Variants in SASH1 observed in about 807,000 individuals in gnomAD.
SASH1 encodes SAM and SH3 domain containing 1, also known as SAM and SH3 domain-containing protein 1.
A neutral mutation model predicts 125.2 loss-of-function variants in SASH1; 44 were observed. The observed-to-expected ratio is 0.35, with a 90% CI of 0.28 to 0.45. The LOEUF (loss-of-function observed/expected upper bound fraction) is 0.45. Ranked by LOEUF, SASH1 falls within the 20% of genes least tolerant of loss-of-function variation. The pLI, the probability that SASH1 is intolerant of heterozygous loss-of-function variation, is 1.00. For missense variants in SASH1, 1,426 were observed against 1,614.5 expected (o/e 0.88, Z 2.00); for synonymous variants, 639 against 649.1 (o/e 0.98, Z 0.24).
intron 8 of SASH1, chr6:148,513,593 ACAG>A: frequency 4.1e-6 from 4 of 985,566 alleles, no homozygotes; most frequent in Non-Finnish European, 4.8e-6. Flanking sequence ...TTGAGGGAAA[ACAG>A]CTGGGCCTGA....
At chr6:148,394,015 C>T (rs1783844813) in intron 2 of SASH1, among the ~76,000 whole-genome samples, 1 of 151,470 alleles carries the variant, frequency 6.6e-6, no homozygotes, top group Non-Finnish European at 1.5e-5. Context: ...GCCTCATCCT[C>T]CCAAGTAGCT....
At chr6:148,513,716 G>A (rs1780277685) in intron 8 of SASH1, 1 of 986,034 alleles carries the variant, frequency 1.0e-6, no homozygotes, top group African/African-American at 1.7e-5. Flanking sequence ...TGCAGGGTCT[G>A]TCCTCACATT....
intron 8 of SASH1, among the ~76,000 whole-genome samples, chr6:148,497,963 A>G (rs984102188): frequency 1.3e-5 from 2 of 152,156 alleles, no homozygotes; most frequent in Admixed American, 1.3e-4. Flanking sequence ...TTATGTCGGA[A>G]GGCACTCTCA....
chr6:148,532,728 C>G lies in SASH1; in HGVS notation c.1565-69C>G. 3 of 1,564,168 alleles carry G rather than the reference C, an allele frequency of 1.9e-6. No individual in the cohort carries two copies. The South Asian group carries it at 3.5e-5, about 18-fold the overall frequency. Reference sequence around the variant, plus strand: ...TTCATTTCCTAATCTGCCATACCTTCAATACCTTTCTGCTTTGCTGGGTGG... The same window carrying G: ...TTCATTTCCTAATCTGCCATACCTTGAATACCTTTCTGCTTTGCTGGGTGG... On this transcript the variant is annotated intron_variant, in intron 13 of 19. Transcript: ENST00000367467. The surrounding 1 kb of genome is among the most constrained non-coding windows in gnomAD (Gnocchi z 4.7).
upstream of SASH1, among the ~76,000 whole-genome samples, chr6:148,272,072 C>G (rs569362636): frequency 6.6e-6 from 1 of 152,190 alleles, no homozygotes; most frequent in East Asian, 1.9e-4. Flanking sequence ...AGTCCGAGAA[C>G]CCGAAGAATG....
chr6:148,524,121 A>ATATATATATATT (rs1193506716), intron 10 of SASH1, among the ~76,000 whole-genome samples: 146 of 128,580 alleles, frequency 1.1e-3, no homozygotes, highest in Non-Finnish European at 1.8e-3. Flanking sequence ...ATATATATAT[A>ATATATATATATT]TTTTTTTTAA....
the SASH1 span, among the ~76,000 whole-genome samples, chr6:148,225,202 G>C: frequency 6.6e-6 from 1 of 152,176 alleles, no homozygotes; most frequent in Non-Finnish European, 1.5e-5. Context: ...TCAGATACCA[G>C]TTTTAACTGT....
In SASH1 at chr6:148,361,538, G is replaced by A. The variant is rs533443014; in HGVS notation, c.156+18315G>A. On this transcript the variant is annotated intron_variant, in intron 1 of 19. Transcript: ENST00000367467. Reference sequence around the variant, plus strand: ...AATCGCTTGAACCTGGGAGGCAGAGGTTGTGGTGAGCTGATCGCACCATTG... The same window carrying A: ...AATCGCTTGAACCTGGGAGGCAGAGATTGTGGTGAGCTGATCGCACCATTG... Among the ~76,000 whole-genome samples, 279 of 152,110 alleles carry A rather than the reference G, an allele frequency of 1.8e-3. No homozygotes were observed. In the Middle Eastern group the frequency reaches 0.02, roughly 11 times the overall value.
intron 1 of SASH1, among the ~76,000 whole-genome samples, chr6:148,388,005 T>C (rs149244072): frequency 0.027 from 3,782 of 139,444 alleles, 146 homozygotes; most frequent in African/African-American, 0.092. Flanking sequence ...AACCTCTGAC[T>C]CCCGGGTTCA....
chr6:148,332,595 TAA>T (rs200153929), intron 1 of SASH1, among the ~76,000 whole-genome samples: 18 of 147,166 alleles, frequency 1.2e-4, no homozygotes, highest in East Asian at 7.9e-4. Context: ...AACAGAGCTT[TAA>T]AAAAAAAAAA....
chr6:148,295,218 A>G (rs1582927767), intron 1 of SASH1, among the ~76,000 whole-genome samples: 1 of 152,166 alleles, frequency 6.6e-6, no homozygotes, highest in Non-Finnish European at 1.5e-5. Context: ...GTTTAAATGT[A>G]GCTTTGGGGG....
At chr6:148,272,088 C>T (rs942154703), upstream of SASH1, among the ~76,000 whole-genome samples, 7 of 152,088 alleles carry the variant, frequency 4.6e-5, no homozygotes, top group Non-Finnish European at 7.4e-5. Flanking sequence ...GAATGAAACT[C>T]GCTTTTGTGT....
chr6:148,430,831 G>T (rs1222134609), intron 2 of SASH1, among the ~76,000 whole-genome samples: 2 of 152,222 alleles, frequency 1.3e-5, no homozygotes, highest in East Asian at 3.8e-4. Context: ...CAGAGACACA[G>T]AGTACTATTT....
rs115341381 is a variant in SASH1, at chr6:148,394,099, G to A, written c.285+3837G>A. On this transcript the variant is annotated intron_variant, in intron 2 of 19. Transcript: ENST00000367467. ...GTAGAGATAGGGTTTTACCATGTTG[G>A]CTAGGGTGGCCTCGAACTCCCGACC... Among the ~76,000 whole-genome samples the A allele has an allele frequency of 3.7e-3, 560 of 152,062 alleles. 4 individuals carry two copies. Among genetic ancestry groups the A allele is most frequent in the African/African-American group, 0.013 (539 of 41,468 alleles).
chr6:148,261,985 AT>A, the SASH1 span, among the ~76,000 whole-genome samples: 1 of 152,136 alleles, frequency 6.6e-6, no homozygotes. Flanking sequence ...GGATGGAAGA[AT>A]TGAATCACAC....
At chr6:148,392,488 C>G (rs1044675970) in intron 2 of SASH1, among the ~76,000 whole-genome samples, 10 of 152,106 alleles carry the variant, frequency 6.6e-5, no homozygotes, top group African/African-American at 2.2e-4. Context: ...TGTGAGTCCT[C>G]TCATACAAGG....
At chr6:148,508,415 C>A in intron 8 of SASH1, 4 of 956,738 alleles carry the variant, frequency 4.2e-6, no homozygotes, top group Non-Finnish European at 5.0e-6. Flanking sequence ...TGCTCAGATT[C>A]TCGCGTTCTT....
At chr6:148,416,053 A>G (rs1039808116) in intron 2 of SASH1, among the ~76,000 whole-genome samples, 4 of 152,244 alleles carry the variant, frequency 2.6e-5, no homozygotes, top group African/African-American at 9.6e-5. Context: ...AAGTCTGTCC[A>G]GGGCTTTAGA....
intron 2 of SASH1, among the ~76,000 whole-genome samples, chr6:148,424,390 C>G (rs932647913): frequency 2.0e-5 from 3 of 151,946 alleles, no homozygotes; most frequent in Non-Finnish European, 4.4e-5. Flanking sequence ...CATGCCTGAT[C>G]AATTTTTATA....
Sources: gnomAD v4.1 joint callset for allele counts (sites outside exome capture counted in the v4.1 genomes callset) on GRCh38, gnomAD v4.1.1 for gene constraint, Gnocchi (gnomAD v3.1) non-coding constraint, MANE v1.5 for transcripts, NCBI Gene and HGNC (gene_info 2026-07-23, HGNC 2026-07-21) for gene names.